NCK2: variants seen among roughly 807,000 people sequenced by gnomAD.
NCK2 encodes the protein cytoplasmic protein NCK2.
Under a neutral mutation model 33.9 loss-of-function variants are expected in NCK2, and 16 were observed. That is an observed-to-expected ratio of 0.47 (90% CI 0.32 to 0.72). NCK2 has a LOEUF of 0.72. Among genes scored for constraint, NCK2 ranks in the 30% least tolerant of loss-of-function variants. The pLI is 0.03. For synonymous variants in NCK2, 273 were observed against 239.9 expected (o/e 1.14, Z -1.27); for missense variants, 418 against 537.3 (o/e 0.78, Z 2.19).
At chr2:105,863,117 G>A (rs1677607852) in intron 3 of NCK2, among the ~76,000 whole-genome samples, 2 of 152,224 alleles carry the variant, frequency 1.3e-5, no homozygotes, top group South Asian at 4.1e-4. Flanking sequence ...CAGCATGCAA[G>A]TGAAAACCAT....
In NCK2 at chr2:105,881,875, G is replaced by T. The variant is rs749231203; in HGVS notation, c.774G>T (p.Gly258=). The T allele has an allele frequency of 6.3e-7, 1 of 1,585,340 alleles. No homozygotes were observed. Among genetic ancestry groups the T allele is most frequent in the Non-Finnish European group, 8.6e-7 (1 of 1,165,258 alleles). Reference sequence around the variant, plus strand: ...ACTACGTGGTGGTCCTCAGTGACGGGCCTGCCCTGCACCCTGCGCACGCCC... The same window carrying T: ...ACTACGTGGTGGTCCTCAGTGACGGTCCTGCCCTGCACCCTGCGCACGCCC... ...PKNYVVVLSD[G]PALHPAHAPQ... The change falls in exon 4 of 5, where the codon GGG becomes GGT. Residue 258 remains glycine (G), a synonymous_variant. Coordinates refer to ENST00000233154, the MANE Select transcript of NCK2 (RefSeq NM_003581.5).
chr2:105,859,312 C>A (rs535670898), intron 3 of NCK2, among the ~76,000 whole-genome samples: 1 of 152,280 alleles, frequency 6.6e-6, no homozygotes, highest in South Asian at 2.1e-4. Flanking sequence ...CAAAAAGTTA[C>A]GGTTCCATTT....
At chr2:105,841,997 G>A (rs1404166673) in intron 2 of NCK2, among the ~76,000 whole-genome samples, 3 of 152,212 alleles carry the variant, frequency 2.0e-5, no homozygotes, top group Admixed American at 2.0e-4. Flanking sequence ...GGCACTAGCT[G>A]CCCTGGGGCA....
chr2:105,883,035 C>T (rs1350447764), intron 4 of NCK2, among the ~76,000 whole-genome samples: 1 of 127,032 alleles, frequency 7.9e-6, no homozygotes, highest in African/African-American at 3.1e-5. Flanking sequence ...CAAAGCCCTC[C>T]AGAGAGAGGC....
At chr2:105,866,581 C>T (rs1431976146) in intron 3 of NCK2, among the ~76,000 whole-genome samples, 3 of 152,214 alleles carry the variant, frequency 2.0e-5, no homozygotes, top group African/African-American at 7.2e-5. Flanking sequence ...AGCTAGATCC[C>T]TCACAGGCGT....
Position 105,848,028 on chromosome 2 carries a change from A to G in NCK2, c.-16-7020A>G, listed in dbSNP as rs768981116. ...TTCTGTTTAAGTTTTCTGTTTTTCA[A>G]TGACATAATCTATTGCACATACGTT... On this transcript the variant is annotated intron_variant, in intron 2 of 4. Transcript: ENST00000233154. Among the ~76,000 whole-genome samples, 6 of 152,282 alleles carry G rather than the reference A, an allele frequency of 3.9e-5. No homozygotes were observed. The South Asian group carries it at 6.2e-4, about 16-fold the overall frequency.
intron 4 of NCK2, among the ~76,000 whole-genome samples, chr2:105,886,501 C>T (rs1678726170): frequency 6.6e-6 from 1 of 152,214 alleles, no homozygotes; most frequent in Admixed American, 6.5e-5. Flanking sequence ...TTTGAAGAAG[C>T]CCTCTGAGTC....
intron 3 of NCK2, among the ~76,000 whole-genome samples, chr2:105,880,388 T>C (rs1678422368): frequency 6.6e-6 from 1 of 152,202 alleles, no homozygotes; most frequent in Admixed American, 6.5e-5. Context: ...CACAATCTGT[T>C]GTGGGAAATT....
intron 4 of NCK2, among the ~76,000 whole-genome samples, chr2:105,892,507 G>A (rs1268470409): frequency 6.6e-6 from 1 of 151,626 alleles, no homozygotes; most frequent in Non-Finnish European, 1.5e-5. Flanking sequence ...ACTACCTCCA[G>A]GTCTTTCTGA....
chr2:105,883,359 C>T (rs921795294), intron 4 of NCK2, among the ~76,000 whole-genome samples: 2 of 152,132 alleles, frequency 1.3e-5, no homozygotes, highest in Admixed American at 1.3e-4. Flanking sequence ...TTAGAGAAAG[C>T]GCTGGAAAAC....
intron 2 of NCK2, among the ~76,000 whole-genome samples, chr2:105,831,410 C>CTTTTTTTTTTTTTTTTTTTT (rs56247904): frequency 6.9e-6 from 1 of 144,846 alleles, no homozygotes. Flanking sequence ...AGCATGATAT[C>CTTTTTTTTTTTTTTTTTTTT]TTTTTTTTTT....
chr2:105,882,848 A>C (rs894337699), intron 4 of NCK2, among the ~76,000 whole-genome samples: 1 of 152,228 alleles, frequency 6.6e-6, no homozygotes, highest in Admixed American at 6.5e-5. Context: ...TTTAGGAGAT[A>C]GAGTTTAATG....
intron 1 of NCK2, among the ~76,000 whole-genome samples, chr2:105,764,443 C>T (rs1356450411): frequency 1.3e-5 from 2 of 152,272 alleles, no homozygotes; most frequent in African/African-American, 4.8e-5. Flanking sequence ...GCCTGCTCTG[C>T]TTCGAGGCTC....
intron 1 of NCK2, among the ~76,000 whole-genome samples, chr2:105,812,543 C>G (rs532061779): frequency 2.0e-5 from 3 of 152,326 alleles, no homozygotes; most frequent in Admixed American, 6.5e-5. Context: ...AACGGGAGAT[C>G]CACTTGCAGG....
chr2:105,753,468 C>T lies in NCK2; in HGVS notation c.-201+8330C>T, dbSNP rs546080975. ...CCGCTGCTGGAGGGAACTGCAGTGGCACTGGATGAGGGGGAGTATTTTCTG... is the reference window on the plus strand; with the variant it reads ...CCGCTGCTGGAGGGAACTGCAGTGGTACTGGATGAGGGGGAGTATTTTCTG... On this transcript the variant is annotated intron_variant, in intron 1 of 4. Transcript: ENST00000233154. Among the ~76,000 whole-genome samples, 8 of 152,348 alleles carry T rather than the reference C, an allele frequency of 5.3e-5. No homozygotes were observed. The East Asian group carries it at 1.3e-3, about 26-fold the overall frequency.
At chr2:105,832,822 G>A (rs917742500) in intron 2 of NCK2, among the ~76,000 whole-genome samples, 24 of 150,662 alleles carry the variant, frequency 1.6e-4, no homozygotes, top group African/African-American at 5.6e-4. Context: ...GCCTCTTAGA[G>A]TGAGTTAGGA....
At chr2:105,744,600 G>A (rs1689194998), upstream of NCK2, among the ~76,000 whole-genome samples, 1 of 152,088 alleles carries the variant, frequency 6.6e-6, no homozygotes, top group African/African-American at 2.4e-5. Flanking sequence ...TTCGGGCGTG[G>A]GGACCCTTTC....
chr2:105,752,887 T>C (rs1244227406), intron 1 of NCK2, among the ~76,000 whole-genome samples: 1 of 152,226 alleles, frequency 6.6e-6, no homozygotes, highest in Non-Finnish European at 1.5e-5. Context: ...AAGTGAACAT[T>C]AGCTTCTCTC....
intron 3 of NCK2, among the ~76,000 whole-genome samples, chr2:105,876,336 C>T (rs1473614051): frequency 2.6e-5 from 4 of 152,198 alleles, no homozygotes; most frequent in Non-Finnish European, 5.9e-5. Context: ...GGATGGGAGG[C>T]ATTGGAACTG....
Sources: gnomAD v4.1 joint callset for allele counts (sites outside exome capture counted in the v4.1 genomes callset) on GRCh38, gnomAD v4.1.1 for gene constraint, MANE v1.5 for transcripts, NCBI Gene and HGNC (gene_info 2026-07-23, HGNC 2026-07-21) for gene names.